TRHDE: variants seen among roughly 807,000 people sequenced by gnomAD.
TRHDE encodes thyrotropin releasing hormone degrading enzyme.
TRHDE carries 72 observed loss-of-function variants against 125.7 expected under a neutral mutation model. That is an observed-to-expected ratio of 0.57 (90% CI 0.47 to 0.70). The LOEUF is 0.70. TRHDE is among the 30% of genes least tolerant of loss of function. The pLI, the probability that TRHDE is intolerant of heterozygous loss-of-function variation, is 0.00. For synonymous variants in TRHDE, 509 were observed against 509.1 expected, an observed-to-expected ratio of 1.00 and a Z score of 0.00; for missense variants, 1,110 against 1,327.1, an observed-to-expected ratio of 0.84 and a Z score of 2.54.
At chr12:72,386,516 C>T (rs1009365755) in intron 3 of TRHDE, among the ~76,000 whole-genome samples, 1 of 152,002 alleles carries the variant, frequency 6.6e-6, no homozygotes, top group African/African-American at 2.4e-5. Flanking sequence ...AATTTTTTCT[C>T]TTTATTGAAT....
chr12:72,401,958 G>C (rs1219718658), intron 3 of TRHDE, among the ~76,000 whole-genome samples: 1 of 152,050 alleles, frequency 6.6e-6, no homozygotes, highest in Non-Finnish European at 1.5e-5. Flanking sequence ...TTTTCTTGAT[G>C]GTATTCCATT....
At chr12:72,612,476 G>C (rs1001809228) in intron 12 of TRHDE, among the ~76,000 whole-genome samples, 1 of 152,166 alleles carries the variant, frequency 6.6e-6, no homozygotes, top group Non-Finnish European at 1.5e-5. Flanking sequence ...GCCTCATGGG[G>C]TAGAACCAGC....
intron 1 of TRHDE, among the ~76,000 whole-genome samples, chr12:72,284,656 T>C (rs1175386306): frequency 6.6e-6 from 1 of 152,240 alleles, no homozygotes; most frequent in Non-Finnish European, 1.5e-5. Flanking sequence ...TTAATTTTAC[T>C]GTTTTGAAAT....
At chr12:72,352,630 GTGT>G (rs2135742067) in intron 2 of TRHDE, among the ~76,000 whole-genome samples, 1 of 151,828 alleles carries the variant, frequency 6.6e-6, no homozygotes, top group East Asian at 1.9e-4. Flanking sequence ...ATCAATTTCT[GTGT>G]TGTTATAAGT....
Position 72,272,839 on chromosome 12 carries a change from G to A in TRHDE, c.196G>A (p.Asp66Asn), listed in dbSNP as rs1248634330. 1 of 1,581,716 alleles carries A rather than the reference G, an allele frequency of 6.3e-7. No individual in the cohort carries two copies. Among genetic ancestry groups the A allele is most frequent in the South Asian group, 1.1e-5 (1 of 88,330 alleles). ...CAGGGGGCTCTCCGACCCGTGGGCAGACTCAGTGGGAGTGCGACCCCGCAC... is the reference window on the plus strand; with the variant it reads ...CAGGGGGCTCTCCGACCCGTGGGCAAACTCAGTGGGAGTGCGACCCCGCAC... ...GSRGLSDPWA[D>N]SVGVRPRTTE... Residue 66 changes from aspartate to asparagine, a missense_variant, in exon 1 of 19, where the codon GAC (aspartate) becomes AAC (asparagine). This residue lies in a region of TRHDE where 248 missense variants were observed against 240.8 expected (regional missense o/e 1.03). Coordinates refer to ENST00000261180, the MANE Select transcript of TRHDE (RefSeq NM_013381.3). The surrounding 1 kb of genome is among the most constrained non-coding windows in gnomAD (Gnocchi z 6.7).
chr12:72,168,937 T>C (rs1478679124), intron 2 of TRHDE, among the ~76,000 whole-genome samples: 1 of 152,212 alleles, frequency 6.6e-6, no homozygotes, highest in African/African-American at 2.4e-5. Context: ...AAAAGAGACC[T>C]TTAATAAGTT....
chr12:72,553,760 C>T (rs1372494256), intron 7 of TRHDE, among the ~76,000 whole-genome samples: 1 of 151,600 alleles, frequency 6.6e-6, no homozygotes, highest in African/African-American at 2.4e-5. Context: ...CAGGCAATTT[C>T]CTCCTTCAGG....
intron 3 of TRHDE, among the ~76,000 whole-genome samples, chr12:72,445,441 C>T (rs1275267202): frequency 2.6e-5 from 4 of 151,846 alleles, no homozygotes; most frequent in Non-Finnish European, 4.4e-5. Context: ...GAGACACTCC[C>T]AACCTGTTTC....
At chr12:72,423,172 G>A (rs184128214) in intron 3 of TRHDE, among the ~76,000 whole-genome samples, 5 of 152,004 alleles carry the variant, frequency 3.3e-5, no homozygotes, top group African/African-American at 1.2e-4. Flanking sequence ...ACTTATGATG[G>A]TTCTATTTAA....
intron 18 of TRHDE, among the ~76,000 whole-genome samples, chr12:72,659,015 A>G (rs897540641): frequency 6.6e-6 from 1 of 152,212 alleles, no homozygotes; most frequent in African/African-American, 2.4e-5. Context: ...ACCATAACCC[A>G]TAAGCCTCAT....
intron 2 of TRHDE, among the ~76,000 whole-genome samples, chr12:72,289,947 C>G (rs551794691): frequency 6.6e-6 from 1 of 152,152 alleles, no homozygotes; most frequent in Non-Finnish European, 1.5e-5. Flanking sequence ...ATCCTATAGA[C>G]ATTTGGAGTT....
At chr12:72,208,843 G>A (rs1317470601) in intron 2 of TRHDE, among the ~76,000 whole-genome samples, 4 of 152,062 alleles carry the variant, frequency 2.6e-5, no homozygotes, top group Non-Finnish European at 4.4e-5. Flanking sequence ...TTGAAGCCAC[G>A]ATCAACATTT....
At chr12:72,499,741 T>A in intron 6 of TRHDE, 106 bp downstream of exon 6, 1 of 1,262,914 alleles carries the variant, frequency 7.9e-7, no homozygotes, top group Non-Finnish European at 1.1e-6. Flanking sequence ...CAGATAGACA[T>A]AGACTGTGAT....
chr12:72,512,551 T>A (rs1878645940), intron 6 of TRHDE, among the ~76,000 whole-genome samples: 1 of 139,414 alleles, frequency 7.2e-6, no homozygotes, highest in South Asian at 2.1e-4. Context: ...TATTCATATA[T>A]AATCATATAT....
chr12:72,303,946 C>T (rs1158895994), intron 2 of TRHDE, among the ~76,000 whole-genome samples: 2 of 152,132 alleles, frequency 1.3e-5, no homozygotes, highest in Non-Finnish European at 2.9e-5. Flanking sequence ...AGTTGTTGAA[C>T]ACGGAATGTG....
chr12:72,280,348 A>G (rs534070467), intron 1 of TRHDE, among the ~76,000 whole-genome samples: 2 of 152,328 alleles, frequency 1.3e-5, no homozygotes, highest in African/African-American at 2.4e-5. Flanking sequence ...TTATTATTCC[A>G]TGGCTGGAGA....
intron 2 of TRHDE, among the ~76,000 whole-genome samples, chr12:72,112,425 A>G (rs1875337306): frequency 6.6e-6 from 1 of 152,214 alleles, no homozygotes; most frequent in Non-Finnish European, 1.5e-5. Context: ...TAATTGCTTT[A>G]AAATATGTGT....
intron 2 of TRHDE, among the ~76,000 whole-genome samples, chr12:72,294,656 C>G (rs1880218635): frequency 6.6e-6 from 1 of 152,138 alleles, no homozygotes; most frequent in South Asian, 2.1e-4. Flanking sequence ...CAAGTCCCTA[C>G]TCTGGTCTGT....
At chr12:72,309,284 C>G (rs1345831095) in intron 2 of TRHDE, among the ~76,000 whole-genome samples, 4 of 152,030 alleles carry the variant, frequency 2.6e-5, no homozygotes, top group South Asian at 2.1e-4. Context: ...CTCTTTCAAG[C>G]TGTTTGTGAA....
Sources: gnomAD v4.1 joint callset for allele counts (sites outside exome capture counted in the v4.1 genomes callset) on GRCh38, gnomAD v4.1.1 for gene constraint, gnomAD v4.1.1 regional missense constraint, Gnocchi (gnomAD v3.1) non-coding constraint, MANE v1.5 for transcripts, NCBI Gene and HGNC (gene_info 2026-07-23, HGNC 2026-07-21) for gene names.